DOK6: variants seen among roughly 807,000 people sequenced by gnomAD.
DOK6 encodes downstream of tyrosine kinase 6.
DOK6 carries 22 observed loss-of-function variants against 44.0 expected under a neutral mutation model. The observed-to-expected ratio is 0.50, with a 90% CI of 0.36 to 0.71. DOK6 has a LOEUF of 0.71. Ranked by LOEUF, DOK6 falls within the 30% of genes least tolerant of loss-of-function variation. The probability of loss-of-function intolerance (pLI) is 0.00; values close to 1 mark genes in which losing one functional copy is unlikely to be tolerated. For missense variants in DOK6, 340 were observed against 416.4 expected (o/e 0.82, Z 1.60); for synonymous variants, 166 against 145.5 (o/e 1.14, Z -1.01).
At chr18:69,716,857 A>G (rs1986895529) in intron 5 of DOK6, among the ~76,000 whole-genome samples, 1 of 152,152 alleles carries the variant, frequency 6.6e-6, no homozygotes, top group Non-Finnish European at 1.5e-5. Flanking sequence ...AAGTGATCAA[A>G]GCCATCGACT....
chr18:69,402,083 T>TG (rs1467264557), intron 1 of DOK6, among the ~76,000 whole-genome samples: 3 of 152,094 alleles, frequency 2.0e-5, no homozygotes, highest in African/African-American at 7.2e-5. Flanking sequence ...CAGGAGGGGC[T>TG]GTCACCTGGG....
chr18:69,503,338 G>A (rs1981096720), intron 1 of DOK6, among the ~76,000 whole-genome samples: 1 of 152,104 alleles, frequency 6.6e-6, no homozygotes, highest in Non-Finnish European at 1.5e-5. Flanking sequence ...ATTGACTAGT[G>A]AATTTTCAAC....
Position 69,499,282 on chromosome 18 carries a change from A to G in DOK6, c.67-65205A>G, listed in dbSNP as rs567155299. Among the ~76,000 whole-genome samples the G allele has an allele frequency of 2.7e-4, 41 of 152,176 alleles. 1 individual carries two copies. Among genetic ancestry groups the G allele is most frequent in the African/African-American group, 9.1e-4 (38 of 41,536 alleles). ...CCAAAAGATGCGATGGGCTAAGAAG[A>G]TTACTTGTTTAGTTTTTAAAATAAT... is the stretch of plus-strand genomic sequence containing the variant. On this transcript the variant is annotated intron_variant, in intron 1 of 7. Coordinates refer to ENST00000382713, the MANE Select transcript of DOK6 (RefSeq NM_152721.6).
At chr18:69,500,392 C>A (rs965606833) in intron 1 of DOK6, among the ~76,000 whole-genome samples, 3 of 152,106 alleles carry the variant, frequency 2.0e-5, no homozygotes, top group Non-Finnish European at 4.4e-5. Context: ...TCATATGTCA[C>A]CTTCTCAGTG....
intron 3 of DOK6, among the ~76,000 whole-genome samples, chr18:69,609,664 C>CAAAAGA (rs1360153833): frequency 1.5e-5 from 2 of 130,576 alleles, no homozygotes; most frequent in African/African-American, 5.4e-5. Context: ...CTGGCAATCC[C>CAAAAGA]ATTTCTGAGT....
At chr18:69,840,677 G>A (rs1326331247) in intron 7 of DOK6, among the ~76,000 whole-genome samples, 1 of 152,198 alleles carries the variant, frequency 6.6e-6, no homozygotes, top group Non-Finnish European at 1.5e-5. Flanking sequence ...ATATCATGAA[G>A]TGAGTTCAGT....
At chr18:69,632,278 C>T (rs938879623) in intron 3 of DOK6, among the ~76,000 whole-genome samples, 3 of 152,246 alleles carry the variant, frequency 2.0e-5, no homozygotes, top group African/African-American at 7.2e-5. Context: ...GTAATCAACA[C>T]TTAGGTTTTC....
At chr18:69,484,727 C>A (rs577902078) in intron 1 of DOK6, among the ~76,000 whole-genome samples, 2 of 152,102 alleles carry the variant, frequency 1.3e-5, no homozygotes, top group Non-Finnish European at 2.9e-5. Flanking sequence ...TAACTCATGC[C>A]TGAGCTAAGC....
intron 1 of DOK6, among the ~76,000 whole-genome samples, chr18:69,404,973 C>G (rs1305856583): frequency 6.6e-6 from 1 of 152,110 alleles, no homozygotes; most frequent in South Asian, 2.1e-4. Flanking sequence ...GAGAGTACAT[C>G]GGGCCAGTCA....
At chr18:69,437,761 A>C (rs1433351731) in intron 1 of DOK6, among the ~76,000 whole-genome samples, 1 of 152,206 alleles carries the variant, frequency 6.6e-6, no homozygotes, top group Non-Finnish European at 1.5e-5. Flanking sequence ...GGATTTTATC[A>C]TATCTTGGAA....
intron 6 of DOK6, among the ~76,000 whole-genome samples, chr18:69,750,750 A>T (rs1380083847): frequency 2.0e-5 from 3 of 152,192 alleles, no homozygotes; most frequent in African/African-American, 7.2e-5. Flanking sequence ...AATGATTTGA[A>T]TCAGTGTCAA....
At chr18:69,651,915 A>G (rs1985239193) in intron 3 of DOK6, among the ~76,000 whole-genome samples, 1 of 146,358 alleles carries the variant, frequency 6.8e-6, no homozygotes, top group African/African-American at 2.5e-5. Flanking sequence ...AATCCTTTCG[A>G]TACAAAATTT....
intron 7 of DOK6, among the ~76,000 whole-genome samples, chr18:69,801,672 C>G (rs1421523402): frequency 6.6e-6 from 1 of 152,194 alleles, no homozygotes. Context: ...TCTCCAACCC[C>G]TTTGTCCCAC....
intron 6 of DOK6, among the ~76,000 whole-genome samples, chr18:69,749,768 GTC>G (rs1344954111): frequency 2.0e-5 from 3 of 151,824 alleles, no homozygotes; most frequent in African/African-American, 7.3e-5. Context: ...GTGAAACCCT[GTC>G]TCTTCTAAAA....
intron 1 of DOK6, among the ~76,000 whole-genome samples, chr18:69,542,121 G>A (rs990526671): frequency 6.6e-6 from 1 of 151,388 alleles, no homozygotes; most frequent in Admixed American, 6.6e-5. Flanking sequence ...TGCTCTCAAA[G>A]GTGCCATGAA....
At chr18:69,532,461 T>G (rs1360145950) in intron 1 of DOK6, among the ~76,000 whole-genome samples, 1 of 152,170 alleles carries the variant, frequency 6.6e-6, no homozygotes. Context: ...CAGGTCAGAG[T>G]GTACTTACCC....
intron 7 of DOK6, among the ~76,000 whole-genome samples, chr18:69,825,625 C>CG (rs1324524751): frequency 2.6e-5 from 4 of 151,254 alleles, no homozygotes; most frequent in Non-Finnish European, 5.9e-5. Context: ...TTAGTAGAGA[C>CG]GGGGTTTCAC....
At chr18:69,820,824 A>T (rs1017533661) in intron 7 of DOK6, among the ~76,000 whole-genome samples, 1 of 152,136 alleles carries the variant, frequency 6.6e-6, no homozygotes, top group South Asian at 2.1e-4. Context: ...ATTCTCACTT[A>T]TAAGTGGGAG....
At chr18:69,556,558 T>G (rs1982692258) in intron 1 of DOK6, among the ~76,000 whole-genome samples, 1 of 152,236 alleles carries the variant, frequency 6.6e-6, no homozygotes, top group African/African-American at 2.4e-5. Flanking sequence ...GGTAGTTTCA[T>G]GCAGCCAGAA....
Sources: gnomAD v4.1 joint callset for allele counts (sites outside exome capture counted in the v4.1 genomes callset) on GRCh38, gnomAD v4.1.1 for gene constraint, MANE v1.5 for transcripts, NCBI Gene and HGNC (gene_info 2026-07-23, HGNC 2026-07-21) for gene names.